FCSK: variants seen among roughly 807,000 people sequenced by gnomAD.
FCSK encodes the protein fucose kinase.
A neutral mutation model predicts 122.5 loss-of-function variants in FCSK; 123 were observed. That is an observed-to-expected ratio of 1.00 (90% CI 0.87 to 1.17). The LOEUF is 1.17. Ranked by LOEUF, FCSK falls within the 50% of genes most tolerant of loss-of-function variation. The pLI, the probability that FCSK is intolerant of heterozygous loss-of-function variation, is 0.00. For missense variants in FCSK, 1,366 were observed against 1,450.4 expected (o/e 0.94, Z 0.95); for synonymous variants, 620 against 625.5 (o/e 0.99, Z 0.13).
chr16:70,458,407 G>A (rs1398247727), intron 1 of FCSK, among the ~76,000 whole-genome samples: 9 of 151,476 alleles, frequency 5.9e-5, no homozygotes, highest in East Asian at 1.9e-4. Context: ...TGATCCACCC[G>A]CCTCGGCCTC....
At position 70,472,597 on chromosome 16, in the gene FCSK, A is replaced by G; in HGVS notation, c.1398A>G (p.Thr466=). The G allele has an allele frequency of 1.2e-6, 2 of 1,612,618 alleles. No individual in the cohort carries two copies. Among genetic ancestry groups the G allele is most frequent in the East Asian group, 4.5e-5 (2 of 44,820 alleles). ...CCTGGAGTGAATTCTTCAAGAGGAC[A>G]GGTGTTCGGTAAGGTGGACACCCCT... ...NVPWSEFFKR[T]GVRAWDLWDP... Residue 466 remains threonine, a synonymous_variant, in exon 14 of 24, where the codon ACA becomes ACG. Transcript: ENST00000288078.
chr16:70,474,100 C>T, intron 15 of FCSK, 29 bp from the exon 16 acceptor site: 1 of 1,545,264 alleles, frequency 6.5e-7, no homozygotes, highest in South Asian at 1.2e-5. Flanking sequence ...GGCCTCCTCC[C>T]CTGCCACCCC....
chr16:70,468,708 T>G (rs879294675), intron 8 of FCSK, 141 bp from the exon 9 acceptor site: 2 of 1,019,760 alleles, frequency 2.0e-6, no homozygotes, highest in African/African-American at 1.6e-5. Flanking sequence ...GGAGTCTGGC[T>G]GCTGGAGTGG....
chr16:70,473,013 G>A lies in FCSK; in HGVS notation c.1437G>A (p.Leu479=), dbSNP rs367854536. The change falls in exon 15 of 24, where the codon CTG becomes CTA. Residue 479 remains leucine, a synonymous_variant. Coordinates refer to ENST00000288078, the MANE Select transcript of FCSK (RefSeq NM_145059.3). The surrounding 1 kb of genome is among the most constrained non-coding windows in gnomAD (Gnocchi z 4.9). ...GGGACCTGTGGGACCCTGAGACGCTGCCCGCAGAGTACTGCCTTCCCAGCG... is the reference window on the plus strand; with the variant it reads ...GGGACCTGTGGGACCCTGAGACGCTACCCGCAGAGTACTGCCTTCCCAGCG... The part of the protein sequence containing the change: ...RAWDLWDPET[L]PAEYCLPSAR... 6.3e-7 allele frequency: 1 copy of A among 1,599,470 alleles called. No homozygotes were observed. Among genetic ancestry groups the A allele is most frequent in the Non-Finnish European group, 8.5e-7 (1 of 1,173,636 alleles).
chr16:70,475,824 G>C, intron 20 of FCSK, 57 bp downstream of exon 20: 1 of 1,476,062 alleles, frequency 6.8e-7, no homozygotes, highest in Non-Finnish European at 9.0e-7. Flanking sequence ...AGGGCCCGCG[G>C]GGGGAGTGGG....
At chr16:70,459,765 A>T (rs2151699998) in intron 1 of FCSK, among the ~76,000 whole-genome samples, 1 of 147,020 alleles carries the variant, frequency 6.8e-6, no homozygotes, top group East Asian at 2.0e-4. Context: ...AAAATGCTGG[A>T]ATTATAGACA....
chr16:70,477,076 A>G (rs1335693065), intron 20 of FCSK, among the ~76,000 whole-genome samples: 2 of 152,216 alleles, frequency 1.3e-5, no homozygotes, highest in East Asian at 3.9e-4. Context: ...TTTGGCTGCA[A>G]AGTTCCAGAT....
At chr16:70,466,731 A>T in intron 5 of FCSK, 151 bp from the exon 6 acceptor site, 1 of 639,358 alleles carries the variant, frequency 1.6e-6, no homozygotes, top group Non-Finnish European at 2.7e-6. Flanking sequence ...TCACATGGGG[A>T]AAGTTGTAAA....
At chr16:70,463,396 C>A in intron 2 of FCSK, 124 bp downstream of exon 2, 1 of 913,598 alleles carries the variant, frequency 1.1e-6, no homozygotes, top group African/African-American at 1.7e-5. Context: ...TTCTCCCTAG[C>A]CATGTGACAG....
chr16:70,469,456 A>G, intron 10 of FCSK, 133 bp downstream of exon 10: 2 of 767,592 alleles, frequency 2.6e-6, no homozygotes, highest in South Asian at 2.0e-5. Context: ...CCTGTGCCAG[A>G]GCCCCCCACT....
rs1461408463 is a variant in FCSK, at chr16:70,465,153, G to T, written c.262G>T (p.Ala88Ser). 1 of 1,613,418 alleles carries T rather than the reference G, an allele frequency of 6.2e-7. No homozygotes were observed. The highest frequency in any genetic ancestry group is 1.3e-5 in the African/African-American group (1 of 75,000). The change falls in exon 4 of 24, where the codon GCC (alanine) becomes TCC (serine). Residue 88 changes from alanine (A) to serine (S), a missense_variant. By Grantham distance (99) the Ala-to-Ser change is moderately conservative. Coordinates refer to ENST00000288078, the MANE Select transcript of FCSK (RefSeq NM_145059.3). Reference protein sequence around the residue: ...TVVTSDVLHSAWILILHMGRD... With the variant: ...TVVTSDVLHSSWILILHMGRD... Reference sequence around the variant, plus strand: ...GGTCACATCCGATGTCCTGCACTCGGCCTGGATCCTCATTCTGCACATGGT... The same window carrying T: ...GGTCACATCCGATGTCCTGCACTCGTCCTGGATCCTCATTCTGCACATGGT...
At chr16:70,464,021 C>A (rs566707044) in intron 3 of FCSK, among the ~76,000 whole-genome samples, 1 of 152,068 alleles carries the variant, frequency 6.6e-6, no homozygotes, top group Admixed American at 6.5e-5. Context: ...TCTGGCTTCT[C>A]TTGAAACATT....
chr16:70,476,013 T>C (rs1369439159), intron 20 of FCSK, among the ~76,000 whole-genome samples: 3 of 151,922 alleles, frequency 2.0e-5, no homozygotes, highest in African/African-American at 7.3e-5. Context: ...TGCCCTTTTT[T>C]TTTTTTTGAG....
At chr16:70,475,273 TG>T in intron 18 of FCSK, 76 bp from the exon 19 acceptor site, 2 of 1,545,728 alleles carry the variant, frequency 1.3e-6, no homozygotes, top group East Asian at 4.5e-5. Context: ...CGCACTGGGC[TG>T]GGAAGTCCAG....
At chr16:70,475,961 A>G (rs1017887646) in intron 20 of FCSK, 194 bp downstream of exon 20, 1 of 537,506 alleles carries the variant, frequency 1.9e-6, no homozygotes, top group African/African-American at 2.0e-5. Flanking sequence ...CCTCCCAACG[A>G]GCCGTTTCAC....
At chr16:70,470,196 G>A in intron 10 of FCSK, 118 bp from the exon 11 acceptor site, 1 of 695,650 alleles carries the variant, frequency 1.4e-6, no homozygotes, top group East Asian at 2.6e-5. Context: ...TCCTGACTCA[G>A]CTTCCCCTAA....
Position 70,454,625 on chromosome 16 carries a change from C to G in FCSK, c.-28C>G, listed in dbSNP as rs772498764. On this transcript the variant is annotated 5_prime_UTR_variant, in exon 1 of 24. Coordinates refer to ENST00000288078, the MANE Select transcript of FCSK (RefSeq NM_145059.3). ...GCCCGCTCCGCCGAGCGCCGGGCGA[C>G]GGCAGGTACGTCAGTCCGCGAGGGT... The G allele has an allele frequency of 6.6e-6, 1 of 151,910 alleles. No individual in the cohort carries two copies. The highest frequency in any genetic ancestry group is 1.5e-5 in the Non-Finnish European group (1 of 68,034). 9.4% of individuals were successfully genotyped at this position (151,910 alleles called of 1,614,324 possible).
At chr16:70,464,007 G>C (rs2048342355) in intron 3 of FCSK, among the ~76,000 whole-genome samples, 1 of 151,742 alleles carries the variant, frequency 6.6e-6, no homozygotes, top group African/African-American at 2.4e-5. Context: ...TCAAAGTGAG[G>C]CTTTCTGGCT....
intron 1 of FCSK, among the ~76,000 whole-genome samples, chr16:70,460,625 A>G (rs7192936): frequency 0.16 from 24,495 of 150,054 alleles, 6,582 homozygotes; most frequent in African/African-American, 0.56. Context: ...GGCTGGTCTC[A>G]AACTCCTGAC....
Sources: allele counts gnomAD v4.1 joint callset (sites outside exome capture counted in the v4.1 genomes callset), GRCh38; gene constraint gnomAD v4.1.1; non-coding constraint Gnocchi (gnomAD v3.1); transcripts MANE v1.5; gene names NCBI Gene and HGNC (gene_info 2026-07-23, HGNC 2026-07-21).